Variants in LAMA2 observed in about 807,000 individuals in gnomAD.
LAMA2 encodes laminin subunit alpha 2.
A neutral mutation model predicts 364.8 loss-of-function variants in LAMA2; 269 were observed. The ratio of observed to expected loss-of-function variants is 0.74; its 90% CI spans 0.67 to 0.82. LAMA2 has a LOEUF of 0.82. Among genes scored for constraint, LAMA2 ranks in the 40% least tolerant of loss-of-function variants. The pLI, the probability that LAMA2 is intolerant of heterozygous loss-of-function variation, is 0.00. For missense variants in LAMA2, 3,807 were observed against 3,873.2 expected, an observed-to-expected ratio of 0.98 and a Z score of 0.45; for synonymous variants, 1,379 against 1,370.6, an observed-to-expected ratio of 1.01 and a Z score of -0.14.
At chr6:129,143,659 G>A (rs1222824520) in intron 4 of LAMA2, among the ~76,000 whole-genome samples, 1 of 151,934 alleles carries the variant, frequency 6.6e-6, no homozygotes, top group East Asian at 1.9e-4. Flanking sequence ...GAGAAATATA[G>A]GTAGTTGAAG....
intron 40 of LAMA2, among the ~76,000 whole-genome samples, chr6:129,425,167 A>C (rs1781264642): frequency 6.6e-6 from 1 of 152,070 alleles, no homozygotes; most frequent in African/African-American, 2.4e-5. Context: ...TGATGGATAT[A>C]TTCTCTACCA....
chr6:128,979,677 A>C (rs1200940170), intron 1 of LAMA2, among the ~76,000 whole-genome samples: 1 of 152,230 alleles, frequency 6.6e-6, no homozygotes, highest in Non-Finnish European at 1.5e-5. Flanking sequence ...TGTCTGATAC[A>C]CAGCACCTGC....
intron 32 of LAMA2, among the ~76,000 whole-genome samples, chr6:129,360,447 C>T (rs1777397107): frequency 6.6e-6 from 1 of 152,106 alleles, no homozygotes; most frequent in Non-Finnish European, 1.5e-5. Context: ...GGCACTTTCC[C>T]CATGTGTTTA....
At chr6:129,405,445 C>A (rs893445518) in intron 40 of LAMA2, among the ~76,000 whole-genome samples, 1 of 152,102 alleles carries the variant, frequency 6.6e-6, no homozygotes, top group Non-Finnish European at 1.5e-5. Context: ...CTTCTTACCA[C>A]CCATGCTTAT....
At chr6:129,229,304 A>C (rs1271940740) in intron 12 of LAMA2, among the ~76,000 whole-genome samples, 1 of 152,166 alleles carries the variant, frequency 6.6e-6, no homozygotes, top group African/African-American at 2.4e-5. Flanking sequence ...GAAGGTGACT[A>C]GGAAAAAGTT....
chr6:129,235,339 G>T (rs1283585728), intron 12 of LAMA2, among the ~76,000 whole-genome samples: 1 of 152,100 alleles, frequency 6.6e-6, no homozygotes, highest in Non-Finnish European at 1.5e-5. Flanking sequence ...CAAAGACACT[G>T]GTGCTCCCCC....
Position 128,983,345 on chromosome 6 carries a change from G to T in LAMA2, c.113-66573G>T, listed in dbSNP as rs919763859. ...TGGTATCTCATTGTGGTTTTGGTTT[G>T]CATTTCTCTGATGGCCAGTGATGGT... On this transcript the variant is annotated intron_variant, in intron 1 of 64. Coordinates refer to ENST00000421865, the MANE Select transcript of LAMA2 (RefSeq NM_000426.4). 2.6e-5 allele frequency among the ~76,000 whole-genome samples: 4 copies of T among 152,040 alleles called. No individual in the cohort carries two copies. In the East Asian group the frequency reaches 5.8e-4, roughly 22 times the overall value.
At chr6:129,253,111 C>T (rs1264708867) in intron 14 of LAMA2, among the ~76,000 whole-genome samples, 1 of 152,040 alleles carries the variant, frequency 6.6e-6, no homozygotes, top group Non-Finnish European at 1.5e-5. Flanking sequence ...TGTAAGGCGG[C>T]TTTGTTTTTT....
At chr6:129,280,185 A>G in intron 18 of LAMA2, 38 bp downstream of exon 18, 1 of 1,333,216 alleles carries the variant, frequency 7.5e-7, no homozygotes. Flanking sequence ...AATGATTTCT[A>G]CCTTGGGAGT....
chr6:129,114,067 T>C (rs1288222076), intron 4 of LAMA2, among the ~76,000 whole-genome samples: 1 of 151,950 alleles, frequency 6.6e-6, no homozygotes, highest in African/African-American at 2.4e-5. Context: ...GATACTAAAA[T>C]TTGTTTTAAA....
intron 1 of LAMA2, among the ~76,000 whole-genome samples, chr6:128,889,543 C>T (rs1290127106): frequency 6.6e-6 from 1 of 152,148 alleles, no homozygotes. Flanking sequence ...CCTTCTCTCT[C>T]CCTCTCTTCT....
intron 1 of LAMA2, among the ~76,000 whole-genome samples, chr6:129,015,234 T>A (rs558276135): frequency 6.6e-6 from 1 of 152,202 alleles, no homozygotes; most frequent in South Asian, 2.1e-4. Context: ...TAAAAACACA[T>A]ACAGGTTTAG....
intron 7 of LAMA2, among the ~76,000 whole-genome samples, chr6:129,151,314 T>A (rs1211948000): frequency 1.3e-5 from 2 of 152,222 alleles, no homozygotes; most frequent in African/African-American, 4.8e-5. Flanking sequence ...AAGTCTATGT[T>A]ACTTTATGTT....
At chr6:128,984,625 G>A (rs746776957) in intron 1 of LAMA2, among the ~76,000 whole-genome samples, 6 of 150,492 alleles carry the variant, frequency 4.0e-5, no homozygotes, top group African/African-American at 1.5e-4. Context: ...GAAGAAACAA[G>A]GTTCTTTTGT....
Position 129,443,088 on chromosome 6 carries a change from T to C in LAMA2, c.6274+20T>C. 3 of 1,577,976 alleles carry C rather than the reference T, an allele frequency of 1.9e-6. No homozygotes were observed. Among genetic ancestry groups the C allele is most frequent in the South Asian group, 1.2e-5 (1 of 86,592 alleles). On this transcript the variant is annotated intron_variant, in intron 44 of 64. Transcript: ENST00000421865. ...AAATCAGTACGTATATGTTTACTTA[T>C]ATACCTTTTAGTAACGCTCATGCTT...
At chr6:129,146,246 C>T (rs1237366285) in intron 5 of LAMA2, among the ~76,000 whole-genome samples, 1 of 151,688 alleles carries the variant, frequency 6.6e-6, no homozygotes, top group South Asian at 2.1e-4. Context: ...AGTGCTCTGA[C>T]AATTATAAAA....
intron 35 of LAMA2, among the ~76,000 whole-genome samples, chr6:129,386,780 T>C (rs148842410): frequency 4.6e-5 from 7 of 152,322 alleles, no homozygotes; most frequent in Admixed American, 1.3e-4. Context: ...TTTTTCATAA[T>C]GAAGATAAAG....
intron 1 of LAMA2, among the ~76,000 whole-genome samples, chr6:128,947,609 T>C (rs145637223): frequency 9.3e-4 from 141 of 152,346 alleles, no homozygotes; most frequent in Non-Finnish European, 1.6e-3. Flanking sequence ...TTAAAAATTA[T>C]ATTTATTCTA....
intron 14 of LAMA2, among the ~76,000 whole-genome samples, chr6:129,259,870 C>CT (rs1488402566): frequency 6.6e-6 from 1 of 152,046 alleles, no homozygotes; most frequent in Non-Finnish European, 1.5e-5. Flanking sequence ...GTCTATTTGA[C>CT]TCACAAAACT....
Sources: allele counts gnomAD v4.1 joint callset (sites outside exome capture counted in the v4.1 genomes callset), GRCh38; gene constraint gnomAD v4.1.1; transcripts MANE v1.5; gene names NCBI Gene and HGNC (gene_info 2026-07-23, HGNC 2026-07-21).